The following ST18 variants were observed in gnomAD, a reference collection of about 807,000 sequenced individuals.
ST18 encodes ST18 C2H2C-type zinc finger transcription factor.
A neutral mutation model predicts 110.0 loss-of-function variants in ST18; 50 were observed. That is an observed-to-expected ratio of 0.45 (90% CI 0.36 to 0.58). The LOEUF (loss-of-function observed/expected upper bound fraction) is 0.58. ST18 is among the 20% of genes least tolerant of loss of function. The pLI is 0.00. For synonymous variants in ST18, 461 were observed against 452.4 expected, an observed-to-expected ratio of 1.02 and a Z score of -0.24; for missense variants, 1,306 against 1,280.1, an observed-to-expected ratio of 1.02 and a Z score of -0.31.
At chr8:52,394,405 A>T (rs766153945) in intron 2 of ST18, among the ~76,000 whole-genome samples, 12 of 152,156 alleles carry the variant, frequency 7.9e-5, no homozygotes, top group Non-Finnish European at 1.3e-4. Context: ...GTAGACTGTA[A>T]GCCTCAAAAC....
At chr8:52,189,504 G>A (rs1023502888) in intron 8 of ST18, among the ~76,000 whole-genome samples, 15 of 152,266 alleles carry the variant, frequency 9.9e-5, no homozygotes, top group Middle Eastern at 6.8e-3. Context: ...AATGAAAATC[G>A]ATGATTCTTG....
intron 15 of ST18, among the ~76,000 whole-genome samples, chr8:52,158,152 A>T (rs1169635839): frequency 6.6e-6 from 1 of 152,204 alleles, no homozygotes; most frequent in East Asian, 1.9e-4. Flanking sequence ...TTTGCTGTCA[A>T]AGGGCATGAA....
At chr8:52,165,259 C>G (rs1227186995) in intron 11 of ST18, 34 bp from the exon 12 acceptor site, 2 of 1,607,202 alleles carry the variant, frequency 1.2e-6, no homozygotes, top group Non-Finnish European at 8.5e-7. Context: ...GGAAAGAATA[C>G]TTTACCATAA....
intron 8 of ST18, among the ~76,000 whole-genome samples, chr8:52,181,202 A>G (rs1343978837): frequency 3.3e-5 from 5 of 152,226 alleles, no homozygotes; most frequent in Non-Finnish European, 7.3e-5. Flanking sequence ...TTTGAAGAAA[A>G]ATGTGGAGCT....
intron 19 of ST18, 48 bp downstream of exon 19, chr8:52,136,542 T>A: frequency 5.8e-6 from 9 of 1,553,304 alleles, no homozygotes; most frequent in Non-Finnish European, 7.9e-6. Flanking sequence ...AACGAGAGGG[T>A]CCTACCGTGT....
At chr8:52,181,506 A>C (rs1181353284) in intron 8 of ST18, among the ~76,000 whole-genome samples, 1 of 152,220 alleles carries the variant, frequency 6.6e-6, no homozygotes, top group Non-Finnish European at 1.5e-5. Context: ...AGCAATAATT[A>C]GACAGCTGGA....
At chr8:52,388,692 T>C (rs542073079) in intron 2 of ST18, among the ~76,000 whole-genome samples, 3 of 151,240 alleles carry the variant, frequency 2.0e-5, no homozygotes, top group Admixed American at 6.6e-5. Context: ...GAGAGAAGTC[T>C]ACTCAGATGG....
At chr8:52,408,952 T>G (rs764275402) in intron 2 of ST18, 4 of 152,232 alleles carry the variant, frequency 2.6e-5, no homozygotes, top group Admixed American at 6.5e-5. Context: ...AAATCCTAAA[T>G]AGAAAGTGAG....
intron 2 of ST18, among the ~76,000 whole-genome samples, chr8:52,326,116 C>T (rs1024890669): frequency 6.6e-6 from 1 of 152,130 alleles, no homozygotes; most frequent in African/African-American, 2.4e-5. Context: ...AGCCTTGTGC[C>T]TCCAAACACA....
intron 2 of ST18, among the ~76,000 whole-genome samples, chr8:52,260,225 C>T (rs2094643697): frequency 6.6e-6 from 1 of 152,136 alleles, no homozygotes; most frequent in Admixed American, 6.5e-5. Context: ...ATTTCTATAC[C>T]TGTATGTATC....
chr8:52,260,246 T>C (rs4481619), intron 2 of ST18, among the ~76,000 whole-genome samples: 39,796 of 152,042 alleles, frequency 0.26, 5,409 homozygotes, highest in Middle Eastern at 0.41. Flanking sequence ...TCTATACCTA[T>C]ACCTATGCCT....
Position 52,133,106 on chromosome 8 carries a change from CA to C in ST18, c.2394del (p.Gly799ValfsTer4). ...TCCTTGGTAGGGGTCATTTTGACAC[CA>C]CCTTTCCTTGCACGAGGGCATCCGG... ...SLSGCPRARK[G>X]GVKMTPTKEE... is the part of the protein sequence containing the mutation. On this transcript the variant is annotated frameshift_variant, in exon 21 of 26. Transcript: ENST00000689386. LOFTEE classifies it high-confidence loss of function. The C allele has an allele frequency of 6.2e-7, 1 of 1,614,116 alleles. No individual in the cohort carries two copies. Among genetic ancestry groups the C allele is most frequent in the South Asian group, 1.1e-5 (1 of 91,080 alleles).
intron 2 of ST18, among the ~76,000 whole-genome samples, chr8:52,273,028 T>A (rs1204256628): frequency 6.6e-6 from 1 of 152,186 alleles, no homozygotes; most frequent in African/African-American, 2.4e-5. Flanking sequence ...CACTTAAAAA[T>A]CTGTTAAGAG....
intron 8 of ST18, among the ~76,000 whole-genome samples, chr8:52,191,310 A>G (rs1346945668): frequency 1.3e-5 from 2 of 152,220 alleles, no homozygotes; most frequent in Non-Finnish European, 2.9e-5. Flanking sequence ...CTGCTAGAAA[A>G]ACAGCCCTAG....
At chr8:52,249,984 C>T (rs1231433960) in intron 2 of ST18, among the ~76,000 whole-genome samples, 3 of 152,000 alleles carry the variant, frequency 2.0e-5, no homozygotes, top group African/African-American at 4.8e-5. Flanking sequence ...CAGCCCTACC[C>T]CCTACCCAAG....
At chr8:52,342,301 G>T (rs1815430428) in intron 2 of ST18, among the ~76,000 whole-genome samples, 3 of 151,892 alleles carry the variant, frequency 2.0e-5, no homozygotes, top group African/African-American at 7.3e-5. Flanking sequence ...GAGGAATCCA[G>T]AACAAAAATG....
chr8:52,323,304 T>C (rs1442813404), intron 2 of ST18, among the ~76,000 whole-genome samples: 1 of 152,222 alleles, frequency 6.6e-6, no homozygotes, highest in Non-Finnish European at 1.5e-5. Flanking sequence ...AAGATTTAAT[T>C]TGAAATACAT....
intron 2 of ST18, among the ~76,000 whole-genome samples, chr8:52,247,143 T>C (rs2093928004): frequency 6.6e-6 from 1 of 152,180 alleles, no homozygotes; most frequent in South Asian, 2.1e-4. Flanking sequence ...CTGAACTAAG[T>C]ATTTTAATAT....
chr8:52,349,618 A>G (rs1267125797), intron 2 of ST18, among the ~76,000 whole-genome samples: 1 of 152,262 alleles, frequency 6.6e-6, no homozygotes, highest in Admixed American at 6.5e-5. Context: ...AAGTGTGAGA[A>G]TACTGAGTGG....
Sources: allele counts gnomAD v4.1 joint callset (sites outside exome capture counted in the v4.1 genomes callset), GRCh38; gene constraint gnomAD v4.1.1; transcripts MANE v1.5; gene names NCBI Gene and HGNC (gene_info 2026-07-23, HGNC 2026-07-21).